DMXL1: variants seen among roughly 807,000 people sequenced by gnomAD.
The protein encoded by DMXL1 is Dmx like 1, also known as dmX-like protein 1.
In DMXL1, 99 loss-of-function variants were observed where a neutral mutation model predicts 319.2. The ratio of observed to expected loss-of-function variants is 0.31; its 90% CI spans 0.26 to 0.37. The LOEUF is 0.37. DMXL1 is among the 10% of genes least tolerant of loss of function. The probability of loss-of-function intolerance (pLI) is 1.00; values close to 1 mark genes in which losing one functional copy is unlikely to be tolerated. For synonymous variants in DMXL1, 1,385 were observed against 1,235.2 expected (o/e 1.12, Z -2.54); for missense variants, 3,745 against 3,595.6 (o/e 1.04, Z -1.06).
chr5:119,211,279 G>C (rs922151133), intron 34 of DMXL1, among the ~76,000 whole-genome samples: 1 of 152,090 alleles, frequency 6.6e-6, no homozygotes, highest in South Asian at 2.1e-4. Context: ...AGAATGAATT[G>C]ACGAAGGTTC....
chr5:119,194,907 T>A (rs905069241), intron 30 of DMXL1, among the ~76,000 whole-genome samples: 5 of 151,586 alleles, frequency 3.3e-5, no homozygotes, highest in Non-Finnish European at 7.4e-5. Flanking sequence ...AAAAAAAAAA[T>A]TTTAATGAAC....
chr5:119,172,100 A>G, intron 25 of DMXL1, 131 bp downstream of exon 25: 1 of 793,958 alleles, frequency 1.3e-6, no homozygotes, highest in Non-Finnish European at 1.9e-6. Context: ...TGCCAAGTTT[A>G]TGTTGATTCC....
At chr5:119,132,682 A>G in intron 10 of DMXL1, 1 of 441,208 alleles carries the variant, frequency 2.3e-6, no homozygotes, top group Non-Finnish European at 4.5e-6. Context: ...CTCAAAAAAA[A>G]AAAAAAAATG....
At chr5:119,192,329 G>T (rs1778841386) in intron 29 of DMXL1, among the ~76,000 whole-genome samples, 1 of 152,056 alleles carries the variant, frequency 6.6e-6, no homozygotes, top group South Asian at 2.1e-4. Flanking sequence ...ACTCTCCCCT[G>T]TGTTTTCAGT....
At chr5:119,120,902 A>G in intron 8 of DMXL1, 69 bp from the exon 9 acceptor site, 2 of 1,240,680 alleles carry the variant, frequency 1.6e-6, no homozygotes, top group South Asian at 2.1e-5. Context: ...ACTTCTGACA[A>G]TCATTATATA....
chr5:119,192,650 T>C (rs1482291994), intron 29 of DMXL1, among the ~76,000 whole-genome samples: 2 of 152,208 alleles, frequency 1.3e-5, no homozygotes, highest in East Asian at 3.8e-4. Context: ...TTAGCATCAT[T>C]CAACATTCTT....
In DMXL1 at chr5:119,177,388, G is replaced by T. The variant is rs757423780; in HGVS notation, c.6790G>T (p.Val2264Leu). The T allele has an allele frequency of 1.3e-6, 2 of 1,586,888 alleles. No homozygotes were observed. Among genetic ancestry groups the T allele is most frequent in the Non-Finnish European group, 1.7e-6 (2 of 1,166,428 alleles). The change falls in exon 27 of 44, where the codon GTA (valine) becomes TTA (leucine). Residue 2264 changes from valine to leucine, a missense_variant. Around this residue, in one of 4 missense-constraint regions of DMXL1, gnomAD observed 1,382 missense variants for 1,269.5 expected, o/e 1.09. Transcript: ENST00000539542. ...SFQTNQFTGMVYQTVLLPHRP... is the reference protein window; with the variant it reads ...SFQTNQFTGMLYQTVLLPHRP... ...TCAGACGAATCAGTTTACTGGAATGGTATATCAGACAGTACTGCTTCCTCA... is the reference window on the plus strand; with the variant it reads ...TCAGACGAATCAGTTTACTGGAATGTTATATCAGACAGTACTGCTTCCTCA...
chr5:119,133,643 A>G lies in DMXL1; in HGVS notation c.1719A>G (p.Thr573=), dbSNP rs370587821. The G allele has an allele frequency of 1.9e-6, 3 of 1,614,100 alleles. No homozygotes were observed. The highest frequency in any genetic ancestry group is 2.7e-5 in the African/African-American group (2 of 74,940). ...KQKPSGLTRS[T]SMLISSGHNK... ...AACCTTCTGGCCTCACCCGTTCCAC[A>G]TCAATGCTTATTTCTTCTGGTCACA... is the stretch of plus-strand genomic sequence containing the variant. Residue 573 remains threonine, a synonymous_variant, in exon 12 of 44, where the codon ACA becomes ACG. Coordinates refer to ENST00000539542, the MANE Select transcript of DMXL1 (RefSeq NM_001290321.3).
At chr5:119,173,884 AC>A (rs1775258052) in intron 25 of DMXL1, among the ~76,000 whole-genome samples, 2 of 149,360 alleles carry the variant, frequency 1.3e-5, no homozygotes, top group African/African-American at 2.5e-5. Flanking sequence ...CAAGTTGGAC[AC>A]CCAGGAGAGC....
chr5:119,151,887 A>G lies in DMXL1; in HGVS notation c.4595-42A>G, dbSNP rs201921983. 136 of 1,257,180 alleles carry G rather than the reference A, an allele frequency of 1.1e-4. No individual in the cohort carries two copies. In the African/African-American group the frequency reaches 1.5e-3, roughly 13 times the overall value. The allele number at this position is 1,257,180 out of a possible 1,614,324, so 77.9% of individuals were successfully genotyped here. On this transcript the variant is annotated intron_variant, in intron 18 of 43. Transcript: ENST00000539542. The stretch of plus-strand genomic sequence containing the variant: ...TATATTGGGTGTTCTTTTGCTTACA[A>G]TTTTTTTTTTAATACATTGCTTCCC...
chr5:119,103,597 C>T, intron 3 of DMXL1, among the ~76,000 whole-genome samples: 1 of 152,166 alleles, frequency 6.6e-6, no homozygotes, highest in Non-Finnish European at 1.5e-5. Context: ...TGATATTTAT[C>T]TTTAAATTTC....
chr5:119,202,297 G>A (rs954248749), intron 32 of DMXL1, among the ~76,000 whole-genome samples: 1 of 152,060 alleles, frequency 6.6e-6, no homozygotes, highest in Admixed American at 6.6e-5. Flanking sequence ...ATGGCCCTAG[G>A]TTAGGGATCA....
intron 19 of DMXL1, among the ~76,000 whole-genome samples, chr5:119,161,151 T>A (rs1487192290): frequency 6.6e-6 from 1 of 152,186 alleles, no homozygotes; most frequent in Non-Finnish European, 1.5e-5. Flanking sequence ...CAGCCTGAAA[T>A]GACCCCAGGG....
At chr5:119,121,742 T>A (rs1401870887) in intron 9 of DMXL1, among the ~76,000 whole-genome samples, 1 of 152,250 alleles carries the variant, frequency 6.6e-6, no homozygotes, top group East Asian at 1.9e-4. Flanking sequence ...TTCCACCCTT[T>A]CTGTTCCACA....
At chr5:119,127,219 A>G (rs1187810957) in intron 9 of DMXL1, 1 of 193,390 alleles carries the variant, frequency 5.2e-6, no homozygotes, top group Non-Finnish European at 1.1e-5. Flanking sequence ...TTAGAATTGT[A>G]AAATTACAGT....
chr5:119,159,627 G>GGTTT (rs1270140833), intron 19 of DMXL1, among the ~76,000 whole-genome samples: 3 of 152,036 alleles, frequency 2.0e-5, no homozygotes, highest in African/African-American at 7.2e-5. Flanking sequence ...TTTAGTCTTT[G>GGTTT]GTTTATTTAT....
chr5:119,071,676 G>C lies in DMXL1; in HGVS notation c.87+20G>C, dbSNP rs546029256. On this transcript the variant is annotated intron_variant, in intron 1 of 43. Coordinates refer to ENST00000539542, the MANE Select transcript of DMXL1 (RefSeq NM_001290321.3). Reference sequence around the variant, plus strand: ...TTCACGGTGAGTGAGGGAGGCCCTCGCGTCGCCCGTGGCCCGGCCTTTGCC... The same window carrying C: ...TTCACGGTGAGTGAGGGAGGCCCTCCCGTCGCCCGTGGCCCGGCCTTTGCC... The C allele has an allele frequency of 1.7e-4, 274 of 1,567,354 alleles. 4 individuals carry two copies. In the South Asian group the frequency reaches 3.0e-3, roughly 17 times the overall value.
Position 119,216,979 on chromosome 5 carries a change from G to A in DMXL1, c.8005G>A (p.Val2669Ile). ...ATCTGATATCATTACTGCGTTTGCTGTTAATAAGGTAAGTACATAGACATT... is the reference window on the plus strand; with the variant it reads ...ATCTGATATCATTACTGCGTTTGCTATTAATAAGGTAAGTACATAGACATT... ...KESDIITAFA[V>I]NKANRNCIAI... Residue 2669 changes from valine to isoleucine, a missense_variant, in exon 35 of 44, where the codon GTT (valine) becomes ATT (isoleucine). Coordinates refer to ENST00000539542, the MANE Select transcript of DMXL1 (RefSeq NM_001290321.3). The A allele has an allele frequency of 6.4e-7, 1 of 1,567,206 alleles. No individual in the cohort carries two copies. The highest frequency in any genetic ancestry group is 8.7e-7 in the Non-Finnish European group (1 of 1,146,666).
chr5:119,167,803 T>C lies in DMXL1; in HGVS notation c.5337T>C (p.Ile1779=). 1 of 1,613,614 alleles carries C rather than the reference T, an allele frequency of 6.2e-7. No homozygotes were observed. The highest frequency in any genetic ancestry group is 2.2e-5 in the East Asian group (1 of 44,772). Residue 1779 remains isoleucine, a synonymous_variant, in exon 23 of 44, where the codon ATT becomes ATC. Coordinates refer to ENST00000539542, the MANE Select transcript of DMXL1 (RefSeq NM_001290321.3). The part of the protein sequence containing the change: ...DPFLRSMAYW[I]LEDYSGALET... Reference sequence around the variant, plus strand: ...TTCTTCGGAGCATGGCATATTGGATTTTGGAAGATTATAGTGGTGCTCTGG... The same window carrying C: ...TTCTTCGGAGCATGGCATATTGGATCTTGGAAGATTATAGTGGTGCTCTGG...
Sources: gnomAD v4.1 joint callset for allele counts (sites outside exome capture counted in the v4.1 genomes callset) on GRCh38, gnomAD v4.1.1 for gene constraint, gnomAD v4.1.1 regional missense constraint, MANE v1.5 for transcripts, NCBI Gene and HGNC (gene_info 2026-07-23, HGNC 2026-07-21) for gene names.